HIVEP3: variants seen among roughly 807,000 people sequenced by gnomAD.
HIVEP3 encodes HIVEP zinc finger 3.
A neutral mutation model predicts 152.8 loss-of-function variants in HIVEP3; 49 were observed. That is an observed-to-expected ratio of 0.32 (90% CI 0.26 to 0.41). The LOEUF is 0.41. Ranked by LOEUF, HIVEP3 falls within the 10% of genes least tolerant of loss-of-function variation. HIVEP3 has a pLI of 1.00. For synonymous variants in HIVEP3, 1,269 were observed against 1,289.0 expected, an observed-to-expected ratio of 0.98 and a Z score of 0.33; for missense variants, 2,790 against 3,103.3, an observed-to-expected ratio of 0.90 and a Z score of 2.40.
chr1:41,826,750 G>T (rs964517642), intron 1 of HIVEP3, among the ~76,000 whole-genome samples: 28 of 152,314 alleles, frequency 1.8e-4, no homozygotes, highest in Admixed American at 5.2e-4. Context: ...TTGTCTTACA[G>T]TTCATTCATT....
intron 1 of HIVEP3, among the ~76,000 whole-genome samples, chr1:41,833,143 A>T (rs1243227773): frequency 6.6e-6 from 1 of 152,250 alleles, no homozygotes; most frequent in Admixed American, 6.5e-5. Flanking sequence ...TCTTCCTATT[A>T]TCAGGGCCCC....
intron 1 of HIVEP3, among the ~76,000 whole-genome samples, chr1:41,864,323 C>A (rs554882778): frequency 5.3e-5 from 8 of 152,312 alleles, no homozygotes; most frequent in South Asian, 2.1e-4. Context: ...CAGAGCCAGA[C>A]AATCATCTCC....
At chr1:41,978,738 C>T (rs1416859539) in intron 1 of HIVEP3, among the ~76,000 whole-genome samples, 1 of 152,158 alleles carries the variant, frequency 6.6e-6, no homozygotes, top group Non-Finnish European at 1.5e-5. Flanking sequence ...CAGCAATAAA[C>T]AAAAGAGACA....
intron 2 of HIVEP3, among the ~76,000 whole-genome samples, chr1:41,680,190 C>G (rs12563738): frequency 0.034 from 5,225 of 152,216 alleles, 130 homozygotes; most frequent in African/African-American, 0.068. Flanking sequence ...CTACAGGTCA[C>G]GTTGGCAACC....
intron 1 of HIVEP3, among the ~76,000 whole-genome samples, chr1:41,736,912 G>A (rs184129581): frequency 2.8e-4 from 42 of 152,218 alleles, no homozygotes; most frequent in Admixed American, 7.2e-4. Flanking sequence ...AAGCTGACAC[G>A]GTTGGCCAGG....
At chr1:41,517,828 G>A (rs1028399528) in intron 7 of HIVEP3, among the ~76,000 whole-genome samples, 37 of 152,326 alleles carry the variant, frequency 2.4e-4, no homozygotes, top group Admixed American at 2.0e-3. Flanking sequence ...GGGTGTGTAC[G>A]GGGATGGGGC....
intron 2 of HIVEP3, among the ~76,000 whole-genome samples, chr1:41,632,533 G>C (rs189008229): frequency 2.4e-4 from 36 of 152,220 alleles, no homozygotes; most frequent in African/African-American, 7.2e-4. Flanking sequence ...CACGCCTGGC[G>C]GATCACGGGT....
intron 5 of HIVEP3, among the ~76,000 whole-genome samples, chr1:41,563,124 A>G (rs530317673): frequency 6.6e-6 from 1 of 152,214 alleles, no homozygotes; most frequent in East Asian, 1.9e-4. Context: ...AAGTGAGCGG[A>G]TCACTTGAAG....
rs545614610 is a variant in HIVEP3, at chr1:41,648,027, G to A, written c.-720-19080C>T. Reference sequence around the variant, plus strand: ...TCTCCCTGCACCAGGAGCCCTATCTGGGAAGCTGGGCTCAAACCCTACCTT... The same window carrying A: ...TCTCCCTGCACCAGGAGCCCTATCTAGGAAGCTGGGCTCAAACCCTACCTT... On this transcript the variant is annotated intron_variant, in intron 2 of 8. Transcript: ENST00000372583. Among the ~76,000 whole-genome samples, 5 of 152,324 alleles carry A rather than the reference G, an allele frequency of 3.3e-5. No homozygotes were observed. In the East Asian group the frequency reaches 5.8e-4, roughly 18 times the overall value.
At chr1:41,734,072 A>T (rs1304342143) in intron 1 of HIVEP3, among the ~76,000 whole-genome samples, 1 of 151,246 alleles carries the variant, frequency 6.6e-6, no homozygotes, top group Non-Finnish European at 1.5e-5. Context: ...CATGCCCCCA[A>T]ATCTGCTGCT....
intron 1 of HIVEP3, among the ~76,000 whole-genome samples, chr1:41,701,277 C>T (rs1380492109): frequency 6.6e-6 from 1 of 152,252 alleles, no homozygotes; most frequent in African/African-American, 2.4e-5. Context: ...GCTGGAGGAA[C>T]TCCCACTTCC....
chr1:42,003,897 G>GC (rs1217131737), intron 1 of HIVEP3, among the ~76,000 whole-genome samples: 1 of 152,070 alleles, frequency 6.6e-6, no homozygotes, highest in Non-Finnish European at 1.5e-5. Flanking sequence ...AAATTAAGCT[G>GC]CTGTTAAATG....
At position 41,513,518 on chromosome 1, in the gene HIVEP3, C is replaced by T; in HGVS notation, c.5703G>A (p.Gln1901=). The change falls in exon 8 of 9, where the codon CAG becomes CAA. Residue 1901 remains glutamine, a synonymous_variant. Transcript: ENST00000372583. ...RADSSPILGP[Q]PPDAPASGTE... ...TGCCAGAGGCGGGGGCATCTGGGGGCTGAGGGCCCAGGATGGGTGAGGAGT... is the reference window on the plus strand; with the variant it reads ...TGCCAGAGGCGGGGGCATCTGGGGGTTGAGGGCCCAGGATGGGTGAGGAGT... 6.2e-7 allele frequency: 1 copy of T among 1,603,382 alleles called. No homozygotes were observed. Among genetic ancestry groups the T allele is most frequent in the Non-Finnish European group, 8.5e-7 (1 of 1,175,332 alleles).
chr1:41,711,043 T>C (rs374303274), intron 1 of HIVEP3, among the ~76,000 whole-genome samples: 1 of 152,330 alleles, frequency 6.6e-6, no homozygotes, highest in East Asian at 1.9e-4. Context: ...AGTCAGCCCT[T>C]TTCTCTGGAC....
chr1:41,697,450 C>T (rs1053316419), intron 2 of HIVEP3, among the ~76,000 whole-genome samples: 12 of 152,212 alleles, frequency 7.9e-5, no homozygotes, highest in Non-Finnish European at 1.8e-4. Context: ...CCTTTCTTAG[C>T]TCTGCGGGGC....
intron 1 of HIVEP3, among the ~76,000 whole-genome samples, chr1:42,024,783 G>A (rs1021723987): frequency 4.5e-4 from 68 of 152,268 alleles, no homozygotes; most frequent in Non-Finnish European, 2.4e-4. Context: ...CTTCAGTGAG[G>A]CAAAGTCACT....
intron 1 of HIVEP3, among the ~76,000 whole-genome samples, chr1:41,927,350 G>T (rs1644973242): frequency 6.6e-6 from 1 of 152,144 alleles, no homozygotes; most frequent in South Asian, 2.1e-4. Flanking sequence ...TTTGGGGGTG[G>T]GGTGGAGTTC....
chr1:41,928,459 A>G (rs1319706126), intron 1 of HIVEP3, among the ~76,000 whole-genome samples: 1 of 152,252 alleles, frequency 6.6e-6, no homozygotes, highest in Non-Finnish European at 1.5e-5. Context: ...TAACAGAAAC[A>G]TCTTACATAA....
At chr1:42,034,389 T>C (rs183943853) in intron 1 of HIVEP3, among the ~76,000 whole-genome samples, 1 of 152,356 alleles carries the variant, frequency 6.6e-6, no homozygotes, top group Non-Finnish European at 1.5e-5. Flanking sequence ...GCTGCTTCTA[T>C]ACCAAAACTA....
Sources: allele counts gnomAD v4.1 joint callset (sites outside exome capture counted in the v4.1 genomes callset), GRCh38; gene constraint gnomAD v4.1.1; transcripts MANE v1.5; gene names NCBI Gene and HGNC (gene_info 2026-07-23, HGNC 2026-07-21).